Variants in PID1 observed in about 807,000 individuals in gnomAD.
PID1 encodes the protein PTB-containing, cubilin and LRP1-interacting protein.
Under a neutral mutation model 19.1 loss-of-function variants are expected in PID1, and 10 were observed. That is an observed-to-expected ratio of 0.52 (90% confidence interval 0.32 to 0.89). PID1 has a LOEUF of 0.89. Ranked by LOEUF, PID1 falls within the 40% of genes least tolerant of loss-of-function variation. PID1 has a pLI of 0.03. For missense variants in PID1, 248 were observed against 285.3 expected, an observed-to-expected ratio of 0.87 and a Z score of 0.94; for synonymous variants, 130 against 116.0, an observed-to-expected ratio of 1.12 and a Z score of -0.78.
intron 2 of PID1, among the ~76,000 whole-genome samples, chr2:229,146,223 G>A (rs1036560911): frequency 2.0e-5 from 3 of 152,092 alleles, no homozygotes; most frequent in African/African-American, 7.2e-5. Flanking sequence ...ATATAGTGCT[G>A]CAAACAGAAA....
intron 1 of PID1, among the ~76,000 whole-genome samples, chr2:229,186,179 G>C (rs537213563): frequency 1.1e-4 from 16 of 152,316 alleles, no homozygotes; most frequent in Non-Finnish European, 2.1e-4. Flanking sequence ...GATGCAAAAG[G>C]TGAGTTCCTA....
intron 2 of PID1, among the ~76,000 whole-genome samples, chr2:229,054,447 G>T (rs2106186605): frequency 6.6e-6 from 1 of 152,294 alleles, no homozygotes; most frequent in South Asian, 2.1e-4. Context: ...ATGATGGAAA[G>T]CCAAGGAACA....
chr2:229,147,404 A>G (rs539919906), intron 2 of PID1, among the ~76,000 whole-genome samples: 14 of 152,140 alleles, frequency 9.2e-5, no homozygotes, highest in Non-Finnish European at 1.9e-4. Context: ...AATAAGCAAA[A>G]AAGTAGGAAA....
chr2:229,206,814 G>GTATC (rs1691619147), intron 1 of PID1, among the ~76,000 whole-genome samples: 1 of 152,278 alleles, frequency 6.6e-6, no homozygotes, highest in East Asian at 1.9e-4. Flanking sequence ...TCTCTGTAAG[G>GTATC]TATCTGTCTT....
chr2:229,137,453 C>T (rs1368552583), intron 2 of PID1, among the ~76,000 whole-genome samples: 1 of 152,166 alleles, frequency 6.6e-6, no homozygotes, highest in Non-Finnish European at 1.5e-5. Flanking sequence ...TTATCTCTTA[C>T]CATAGGACTA....
At chr2:229,080,417 C>G (rs1694647469) in intron 2 of PID1, among the ~76,000 whole-genome samples, 1 of 152,142 alleles carries the variant, frequency 6.6e-6, no homozygotes. Context: ...GGGCATGGCT[C>G]TCCAACACCC....
intron 2 of PID1, among the ~76,000 whole-genome samples, chr2:229,026,949 C>T (rs936062272): frequency 5.3e-5 from 8 of 152,026 alleles, no homozygotes; most frequent in African/African-American, 1.9e-4. Context: ...ACAAAATGCA[C>T]AGAATTACTA....
At chr2:229,226,084 A>G (rs897158316) in intron 1 of PID1, among the ~76,000 whole-genome samples, 1 of 152,230 alleles carries the variant, frequency 6.6e-6, no homozygotes, top group African/African-American at 2.4e-5. Context: ...CACATCTGTA[A>G]ATAGTCTCCT....
chr2:229,151,111 A>C (rs954690686), intron 2 of PID1, among the ~76,000 whole-genome samples: 2 of 149,458 alleles, frequency 1.3e-5, no homozygotes, highest in African/African-American at 4.9e-5. Flanking sequence ...TAGCCCTTAC[A>C]TTTTTTTTTT....
chr2:229,226,579 T>C (rs1692081909), intron 1 of PID1, among the ~76,000 whole-genome samples: 1 of 152,200 alleles, frequency 6.6e-6, no homozygotes, highest in African/African-American at 2.4e-5. Context: ...TCTGTACTAT[T>C]CCAGCTTGGC....
chr2:229,031,608 G>A (rs988035532), intron 2 of PID1, among the ~76,000 whole-genome samples: 2 of 151,876 alleles, frequency 1.3e-5, no homozygotes, highest in East Asian at 1.9e-4. Flanking sequence ...AGAAAAGAAA[G>A]GAAAAGAGAA....
chr2:229,089,642 C>T (rs1046541091), intron 2 of PID1, among the ~76,000 whole-genome samples: 5 of 152,028 alleles, frequency 3.3e-5, no homozygotes, highest in Admixed American at 2.6e-4. Flanking sequence ...TGCAGAGATG[C>T]TAAACATATA....
chr2:229,189,114 C>A (rs150837495), intron 1 of PID1, among the ~76,000 whole-genome samples: 3 of 152,248 alleles, frequency 2.0e-5, no homozygotes, highest in Admixed American at 2.0e-4. Context: ...TCTCATTTAC[C>A]GTCATACACA....
chr2:229,155,730 G>T, intron 2 of PID1, 88 bp downstream of exon 2: 2 of 1,167,286 alleles, frequency 1.7e-6, no homozygotes, highest in South Asian at 1.6e-5. Flanking sequence ...TCTTAAAAAT[G>T]ATTACCATTG....
In PID1 at chr2:229,085,865, A is replaced by G. The variant is rs535361581; in HGVS notation, c.178-59757T>C. On this transcript the variant is annotated intron_variant, in intron 2 of 2. Transcript: ENST00000392055. Reference sequence around the variant, plus strand: ...GAAACTGCTGGGAGCATGAGGAAGCATTCAAGAGACAGCTGATTAAAGCTT... The same window carrying G: ...GAAACTGCTGGGAGCATGAGGAAGCGTTCAAGAGACAGCTGATTAAAGCTT... Among the ~76,000 whole-genome samples, 277 of 152,270 alleles carry G rather than the reference A, an allele frequency of 1.8e-3. 3 individuals are homozygous for G. Among genetic ancestry groups the G allele is most frequent in the African/African-American group, 6.3e-3 (262 of 41,576 alleles).
intron 2 of PID1, among the ~76,000 whole-genome samples, chr2:229,096,961 G>T (rs1694982305): frequency 6.6e-6 from 1 of 152,118 alleles, no homozygotes; most frequent in South Asian, 2.1e-4. Flanking sequence ...ACACTAGAAA[G>T]CTCCAGCACT....
intron 2 of PID1, among the ~76,000 whole-genome samples, chr2:229,036,686 G>A (rs953563706): frequency 6.6e-6 from 1 of 152,044 alleles, no homozygotes; most frequent in Non-Finnish European, 1.5e-5. Context: ...AGGCGGAGGT[G>A]GCCATGAGCT....
Position 229,026,234 on chromosome 2 carries a change from T to C in PID1, c.178-126A>G, listed in dbSNP as rs949160630. 3.4e-5 allele frequency: 23 copies of C among 684,218 alleles called. No homozygotes were observed. The African/African-American group carries it at 4.1e-4, about 12-fold the overall frequency. The allele number at this position is 684,218 out of a possible 1,614,324, so 42.4% of individuals were successfully genotyped here. On this transcript the variant is annotated intron_variant, in intron 2 of 2. Transcript: ENST00000392055. ...TGGGAAGGTGAAGACACTTCTTTCT[T>C]GCTCCCTGAAAGAATAACTCATCAA...
intron 2 of PID1, among the ~76,000 whole-genome samples, chr2:229,101,465 C>G (rs1695072104): frequency 6.6e-6 from 1 of 152,230 alleles, no homozygotes; most frequent in African/African-American, 2.4e-5. Flanking sequence ...GCACAGCACA[C>G]TGCCATGCCT....
Sources: allele counts gnomAD v4.1 joint callset (sites outside exome capture counted in the v4.1 genomes callset), GRCh38; gene constraint gnomAD v4.1.1; transcripts MANE v1.5; gene names NCBI Gene and HGNC (gene_info 2026-07-23, HGNC 2026-07-21).